The following POLR3B variants were observed in gnomAD, a reference collection of about 807,000 sequenced individuals.
POLR3B encodes the protein RNA polymerase III subunit B.
A neutral mutation model predicts 147.4 loss-of-function variants in POLR3B; 96 were observed. The observed-to-expected ratio is 0.65, with a 90% CI of 0.55 to 0.77. The LOEUF (loss-of-function observed/expected upper bound fraction) is 0.77. Ranked by LOEUF, POLR3B falls within the 30% of genes least tolerant of loss-of-function variation. The pLI is 0.00. For missense variants in POLR3B, 1,036 were observed against 1,413.5 expected (o/e 0.73, Z 4.28); for synonymous variants, 461 against 485.9 (o/e 0.95, Z 0.67).
chr12:106,382,286 A>G (rs1410566150), intron 9 of POLR3B, among the ~76,000 whole-genome samples: 1 of 152,210 alleles, frequency 6.6e-6, no homozygotes, highest in Admixed American at 6.5e-5. Flanking sequence ...TAAGGTTTAT[A>G]GAAGGATGAA....
At chr12:106,422,399 C>A (rs1679803213) in intron 12 of POLR3B, among the ~76,000 whole-genome samples, 1 of 152,200 alleles carries the variant, frequency 6.6e-6, no homozygotes, top group African/African-American at 2.4e-5. Flanking sequence ...ATCATGCTTC[C>A]TATACAGCCT....
At chr12:106,404,323 C>G (rs1395032409) in intron 10 of POLR3B, among the ~76,000 whole-genome samples, 3 of 152,124 alleles carry the variant, frequency 2.0e-5, no homozygotes, top group Non-Finnish European at 4.4e-5. Context: ...GAACTCCTTA[C>G]TTCAGGTGAT....
intron 25 of POLR3B, among the ~76,000 whole-genome samples, chr12:106,497,350 A>T (rs1017652820): frequency 4.0e-5 from 6 of 151,866 alleles, no homozygotes; most frequent in Non-Finnish European, 5.9e-5. Context: ...ACAATTGAGG[A>T]GTGCTGTTTG....
intron 16 of POLR3B, among the ~76,000 whole-genome samples, chr12:106,435,035 A>T (rs1041536623): frequency 4.6e-5 from 7 of 151,620 alleles, no homozygotes; most frequent in African/African-American, 7.3e-5. Flanking sequence ...TGCCTGTTAA[A>T]CCTCATTTTC....
intron 23 of POLR3B, among the ~76,000 whole-genome samples, chr12:106,493,844 C>A (rs1300836715): frequency 1.3e-5 from 2 of 152,196 alleles, no homozygotes; most frequent in Non-Finnish European, 2.9e-5. Context: ...ACAAAACAAA[C>A]AACACAGGGC....
At chr12:106,469,758 A>G (rs2038062830) in intron 23 of POLR3B, among the ~76,000 whole-genome samples, 1 of 152,172 alleles carries the variant, frequency 6.6e-6, no homozygotes, top group Non-Finnish European at 1.5e-5. Context: ...TCTTTTCTTT[A>G]AGAATGTTGA....
chr12:106,369,487 T>TAA, intron 5 of POLR3B, 96 bp from the exon 6 acceptor site: 2 of 978,258 alleles, frequency 2.0e-6, no homozygotes, highest in Non-Finnish European at 3.3e-6. Context: ...AAGTTCAATG[T>TAA]GGACCATAAT....
At chr12:106,431,535 G>A (rs549326227) in intron 14 of POLR3B, among the ~76,000 whole-genome samples, 1 of 152,208 alleles carries the variant, frequency 6.6e-6, no homozygotes, top group African/African-American at 2.4e-5. Flanking sequence ...GGGTTGCATA[G>A]ATGTTTAAAA....
At chr12:106,422,820 A>G (rs1173580065) in intron 12 of POLR3B, among the ~76,000 whole-genome samples, 1 of 152,072 alleles carries the variant, frequency 6.6e-6, no homozygotes, top group African/African-American at 2.4e-5. Flanking sequence ...TTTTGGAATT[A>G]TTTTGTCAAT....
chr12:106,392,279 C>T (rs2036923624), intron 9 of POLR3B, among the ~76,000 whole-genome samples: 1 of 152,190 alleles, frequency 6.6e-6, no homozygotes, highest in Non-Finnish European at 1.5e-5. Context: ...TCTCCTGCCT[C>T]AGCCTCCCGA....
At chr12:106,458,719 A>G (rs901070044) in intron 21 of POLR3B, among the ~76,000 whole-genome samples, 1 of 152,082 alleles carries the variant, frequency 6.6e-6, no homozygotes, top group Non-Finnish European at 1.5e-5. Flanking sequence ...TCTCACCCTA[A>G]CACTGGTCAG....
At chr12:106,373,637 C>T (rs2036638938) in intron 6 of POLR3B, among the ~76,000 whole-genome samples, 1 of 151,896 alleles carries the variant, frequency 6.6e-6, no homozygotes, top group Non-Finnish European at 1.5e-5. Flanking sequence ...ATCTGTAATC[C>T]CAGCTACTTG....
intron 25 of POLR3B, among the ~76,000 whole-genome samples, chr12:106,498,575 G>C (rs967333013): frequency 1.3e-5 from 2 of 150,018 alleles, no homozygotes; most frequent in African/African-American, 4.9e-5. Context: ...TTTGTTTTTT[G>C]GGGTTTGTTT....
intron 14 of POLR3B, among the ~76,000 whole-genome samples, chr12:106,431,678 C>A (rs1457125924): frequency 6.6e-6 from 1 of 152,212 alleles, no homozygotes; most frequent in African/African-American, 2.4e-5. Context: ...GCACTGTTAT[C>A]AGCCTCATGA....
chr12:106,419,758 T>G (rs191538228), intron 12 of POLR3B, among the ~76,000 whole-genome samples: 1,417 of 74,840 alleles, frequency 0.019, 10 homozygotes, highest in Non-Finnish European at 0.023. Context: ...AAGTCTACTT[T>G]TTTTTTATTT....
At chr12:106,382,123 C>T (rs1033990119) in intron 9 of POLR3B, 3 of 152,316 alleles carry the variant, frequency 2.0e-5, no homozygotes, top group Non-Finnish European at 2.9e-5. Context: ...CCTCCTATCT[C>T]GTCCTGTGAC....
chr12:106,430,438 G>T lies in POLR3B; in HGVS notation c.1429G>T (p.Gly477Ter), dbSNP rs2037493035. The T allele has an allele frequency of 6.2e-7, 1 of 1,613,236 alleles. No homozygotes were observed. The highest frequency in any genetic ancestry group is 1.3e-5 in the African/African-American group (1 of 74,890). ...GPRSLQPSQW[G>*]MLCPSDTPEG... ...TCGCTCCCTCCAGCCATCTCAGTGG[G>T]GAATGCTGTGTCCTTCGGACACTCC... Residue 477 changes from glycine (G) to a stop codon, truncating the protein, a stop_gained, in exon 14 of 28, where the codon GGA becomes TGA. Coordinates refer to ENST00000228347, the MANE Select transcript of POLR3B (RefSeq NM_018082.6). LOFTEE classifies it high-confidence loss of function.
intron 23 of POLR3B, among the ~76,000 whole-genome samples, chr12:106,495,683 G>A (rs1056526441): frequency 2.0e-5 from 3 of 152,186 alleles, no homozygotes. Context: ...AGGAGATCAC[G>A]AACTAGCTAA....
Position 106,402,615 on chromosome 12 carries a change from C to A in POLR3B, c.847-3242C>A, listed in dbSNP as rs551113616. ...GGTACTGGTACCAAAACAGAAATAT[C>A]GACCAATGGAACAGAACAGAGCCCT... On this transcript the variant is annotated intron_variant, in intron 10 of 27. Coordinates refer to ENST00000228347, the MANE Select transcript of POLR3B (RefSeq NM_018082.6). Among the ~76,000 whole-genome samples, 18 of 152,134 alleles carry A rather than the reference C, an allele frequency of 1.2e-4. No homozygotes were observed. In the East Asian group the frequency reaches 3.5e-3, roughly 29 times the overall value.
Sources: allele counts gnomAD v4.1 joint callset (sites outside exome capture counted in the v4.1 genomes callset), GRCh38; gene constraint gnomAD v4.1.1; transcripts MANE v1.5; gene names NCBI Gene and HGNC (gene_info 2026-07-23, HGNC 2026-07-21).